Variants in CCND3 observed in about 807,000 individuals in gnomAD.
The protein encoded by CCND3 is cyclin D3, also known as G1/S-specific cyclin-D3.
Under a neutral mutation model 28.7 loss-of-function variants are expected in CCND3, and 9 were observed. That is an observed-to-expected ratio of 0.31 (90% CI 0.19 to 0.55). The LOEUF (loss-of-function observed/expected upper bound fraction) is 0.55. CCND3 is among the 20% of genes least tolerant of loss of function. The pLI, the probability that CCND3 is intolerant of heterozygous loss-of-function variation, is 0.93. For missense variants in CCND3, 315 were observed against 385.8 expected, an observed-to-expected ratio of 0.82 and a Z score of 1.54; for synonymous variants, 164 against 163.9, an observed-to-expected ratio of 1.00 and a Z score of 0.00.
intron 1 of CCND3, among the ~76,000 whole-genome samples, chr6:41,986,497 T>C (rs1285293425): frequency 1.3e-5 from 2 of 152,042 alleles, no homozygotes; most frequent in South Asian, 2.1e-4. Flanking sequence ...ACCTCCTTGA[T>C]TAAATTTATT....
In CCND3 at chr6:41,955,212, A is replaced by G. The variant is rs192559073; in HGVS notation, c.-45-14627T>C. On this transcript the variant is annotated intron_variant, in intron 1 of 4. Transcript: ENST00000372988. ...GAATATAAAGAGAGGTTCACTTCAA[A>G]TCATTTTTAATATAATGATTCCAAA... 3.5e-4 allele frequency among the ~76,000 whole-genome samples: 54 copies of G among 152,310 alleles called. No individual in the cohort carries two copies. In the East Asian group the frequency reaches 7.3e-3, roughly 21 times the overall value.
chr6:42,037,461 T>G (rs959200007), intron 1 of CCND3, among the ~76,000 whole-genome samples: 1 of 150,818 alleles, frequency 6.6e-6, no homozygotes, highest in Non-Finnish European at 1.5e-5. Flanking sequence ...GGTCTCAATC[T>G]CTCGACCTTG....
chr6:41,974,708 T>C (rs1762124567), intron 1 of CCND3, among the ~76,000 whole-genome samples: 1 of 152,076 alleles, frequency 6.6e-6, no homozygotes, highest in Admixed American at 6.6e-5. Flanking sequence ...TCTGACACTA[T>C]TATCAATTTA....
chr6:41,968,205 C>T (rs183544014), intron 1 of CCND3, among the ~76,000 whole-genome samples: 59 of 152,154 alleles, frequency 3.9e-4, no homozygotes, highest in Admixed American at 2.0e-3. Context: ...GAAAAAAATG[C>T]CCTAAAATCT....
Position 41,971,760 on chromosome 6 carries a change from G to A in CCND3, c.-45-31175C>T, listed in dbSNP as rs539469141. The stretch of plus-strand genomic sequence containing the variant: ...TCGCCGTGTTGGCCAAGATGGTCTC[G>A]ATCTCTTGACGTCATGATCCGCCCG... On this transcript the variant is annotated intron_variant, in intron 1 of 4. Coordinates refer to the CCND3 transcript ENST00000372988. Among the ~76,000 whole-genome samples the A allele has an allele frequency of 2.2e-3, 325 of 150,578 alleles. 2 individuals carry two copies. The highest frequency in any genetic ancestry group is 3.0e-3 in the Non-Finnish European group (202 of 67,464).
At chr6:42,036,653 C>T (rs1242186343) in intron 1 of CCND3, among the ~76,000 whole-genome samples, 2 of 151,536 alleles carry the variant, frequency 1.3e-5, no homozygotes, top group African/African-American at 2.4e-5. Flanking sequence ...ATCTGCCCGC[C>T]TTGGCCTCCC....
intron 2 of CCND3, among the ~76,000 whole-genome samples, chr6:41,940,156 T>C (rs1305480601): frequency 1.3e-5 from 2 of 152,140 alleles, no homozygotes; most frequent in Admixed American, 6.5e-5. Flanking sequence ...GGAGGGGGTT[T>C]AATGCCTGCC....
chr6:42,048,561 C>T lies in CCND3; in HGVS notation c.-106G>A, dbSNP rs1437707086. 1 of 513,990 alleles carries T rather than the reference C, an allele frequency of 1.9e-6. No homozygotes were observed. The highest frequency in any genetic ancestry group is 3.9e-6 in the Non-Finnish European group (1 of 258,056). The allele number at this position is 513,990 out of a possible 1,614,324, so 31.8% of individuals were successfully genotyped here. A position where few individuals can be genotyped will look rare whatever the true frequency, so the allele number is the denominator to read the frequency against. On this transcript the variant is annotated 5_prime_UTR_variant, in exon 1 of 5. Transcript: ENST00000372988. This position sits in a 1 kb window ranked among gnomAD's most constrained non-coding sequence, Gnocchi z 4.7. The stretch of plus-strand genomic sequence containing the variant: ...GGGTCGCAGGCGCTCTGTCCCGCCG[C>T]CTCCGGAGCCTGCCTTTGGGGAGTG...
chr6:41,970,646 A>G (rs1372505811), intron 1 of CCND3, among the ~76,000 whole-genome samples: 3 of 152,184 alleles, frequency 2.0e-5, no homozygotes, highest in Non-Finnish European at 2.9e-5. Flanking sequence ...GTATTATGGA[A>G]GTAAATCTAA....
At chr6:42,030,383 T>C (rs1764010497) in intron 1 of CCND3, among the ~76,000 whole-genome samples, 1 of 152,074 alleles carries the variant, frequency 6.6e-6, no homozygotes, top group Admixed American at 6.5e-5. Flanking sequence ...AGCCTTCTGG[T>C]TGTTCTGTGG....
chr6:42,003,665 A>G lies in CCND3; in HGVS notation c.-46+44836T>C, dbSNP rs138444096. Among the ~76,000 whole-genome samples the G allele has an allele frequency of 6.9e-4, 105 of 151,804 alleles. 1 individual carries two copies. In the East Asian group the frequency reaches 0.016, roughly 23 times the overall value. ...AGGTCAGTAAAGTTAAAAGTTTAACATTGTGGTTCAGGCCTGTAATCTCAG... is the reference window on the plus strand; with the variant it reads ...AGGTCAGTAAAGTTAAAAGTTTAACGTTGTGGTTCAGGCCTGTAATCTCAG... On this transcript the variant is annotated intron_variant, in intron 1 of 4. Transcript: ENST00000372988.
At chr6:41,951,089 A>G (rs1266166254) in intron 1 of CCND3, among the ~76,000 whole-genome samples, 1 of 152,062 alleles carries the variant, frequency 6.6e-6, no homozygotes, top group African/African-American at 2.4e-5. Flanking sequence ...AGATGTCATG[A>G]AGACAGAAGA....
At chr6:42,012,856 C>T (rs1402067294) in intron 1 of CCND3, among the ~76,000 whole-genome samples, 2 of 152,208 alleles carry the variant, frequency 1.3e-5, no homozygotes, top group Non-Finnish European at 2.9e-5. Context: ...TATCCTGACA[C>T]AGATGAATCC....
At chr6:42,004,593 G>A (rs1763124824) in intron 1 of CCND3, among the ~76,000 whole-genome samples, 1 of 152,092 alleles carries the variant, frequency 6.6e-6, no homozygotes, top group African/African-American at 2.4e-5. Flanking sequence ...ATAGCCAGGT[G>A]TGGTGGTGGG....
intron 1 of CCND3, among the ~76,000 whole-genome samples, chr6:42,046,639 C>T (rs531623507): frequency 2.6e-5 from 4 of 152,228 alleles, no homozygotes; most frequent in South Asian, 2.1e-4. Flanking sequence ...TTTGTGTGCA[C>T]GCACACACGC....
chr6:41,976,290 T>G (rs1217971924), intron 1 of CCND3, among the ~76,000 whole-genome samples: 1 of 151,624 alleles, frequency 6.6e-6, no homozygotes, highest in Non-Finnish European at 1.5e-5. Flanking sequence ...AGGTGGAGGT[T>G]GCAGCGAGCT....
chr6:41,991,666 C>T (rs986379401), intron 1 of CCND3, among the ~76,000 whole-genome samples: 1 of 152,168 alleles, frequency 6.6e-6, no homozygotes, highest in African/African-American at 2.4e-5. Flanking sequence ...GTCATTCCAA[C>T]AGTGGCATAG....
At chr6:41,942,872 CTTTTTTTTT>C (rs60884050), upstream of CCND3, among the ~76,000 whole-genome samples, 17 of 82,570 alleles carry the variant, frequency 2.1e-4, no homozygotes, top group African/African-American at 7.3e-4. Flanking sequence ...GTTAATTATT[CTTTTTTTTT>C]TTTTTTTTTT....
Position 42,000,930 on chromosome 6 carries a change from T to A in CCND3, c.-46+47571A>T, listed in dbSNP as rs116565956. On this transcript the variant is annotated intron_variant, in intron 1 of 4. Transcript: ENST00000372988. ...CTTAAATGATAATGAAAATATCACA[T>A]ATTAAAACTTATAGGACATCTATAG... 7.3e-3 allele frequency among the ~76,000 whole-genome samples: 1,114 copies of A among 151,686 alleles called. 7 individuals carry two copies. The highest frequency in any genetic ancestry group is 0.027 in the Middle Eastern group (8 of 292).
Sources: allele counts gnomAD v4.1 joint callset (sites outside exome capture counted in the v4.1 genomes callset), GRCh38; gene constraint gnomAD v4.1.1; non-coding constraint Gnocchi (gnomAD v3.1); transcripts MANE v1.5; gene names NCBI Gene and HGNC (gene_info 2026-07-23, HGNC 2026-07-21).